The following KIRREL3 variants were observed in gnomAD, a reference collection of about 807,000 sequenced individuals.
KIRREL3 encodes kin of IRRE-like protein 3.
A neutral mutation model predicts 89.7 loss-of-function variants in KIRREL3; 36 were observed. The observed-to-expected ratio is 0.40, with a 90% CI of 0.31 to 0.53. The LOEUF is 0.53. Ranked by LOEUF, KIRREL3 falls within the 20% of genes least tolerant of loss-of-function variation. The pLI, the probability that KIRREL3 is intolerant of heterozygous loss-of-function variation, is 0.49. For synonymous variants in KIRREL3, 445 were observed against 441.4 expected (o/e 1.01, Z -0.10); for missense variants, 864 against 1,056.6 (o/e 0.82, Z 2.53).
At chr11:126,731,921 G>A (rs1001380860) in intron 1 of KIRREL3, among the ~76,000 whole-genome samples, 5 of 152,382 alleles carry the variant, frequency 3.3e-5, no homozygotes, top group African/African-American at 1.2e-4. Flanking sequence ...CTACTTTGAT[G>A]CAGGCAGCTC....
Position 126,682,149 on chromosome 11 carries a change from G to C in KIRREL3, c.56-119237C>G. ...TAGGACCTGGGTGAAGGAAGAGTGG[G>C]CATCACAGAGCTGCTGTGGAGTGTG... On this transcript the variant is annotated intron_variant, in intron 1 of 16. Transcript: ENST00000525144. The surrounding 1 kb of genome is among the most constrained non-coding windows in gnomAD (Gnocchi z 4.8). 1 of 329,416 alleles carries C rather than the reference G, an allele frequency of 3.0e-6. No homozygotes were observed. The highest frequency in any genetic ancestry group is 2.5e-5 in the South Asian group (1 of 39,326). The allele number at this position is 329,416 out of a possible 1,614,324, so 20.4% of individuals were successfully genotyped here.
chr11:126,736,197 A>G lies in KIRREL3; in HGVS notation c.56-173285T>C, dbSNP rs1948793315. ...GAACAGATGGTCTGGTTTACTTTCA[A>G]TTGTAGTCACAGCAATAATAGCACC... On this transcript the variant is annotated intron_variant, in intron 1 of 16. Transcript: ENST00000525144. This position sits in a 1 kb window ranked among gnomAD's most constrained non-coding sequence, Gnocchi z 5.0. Among the ~76,000 whole-genome samples, 1 of 152,210 alleles carries G rather than the reference A, an allele frequency of 6.6e-6. No homozygotes were observed. The highest frequency in any genetic ancestry group is 2.4e-5 in the African/African-American group (1 of 41,446).
In KIRREL3 at chr11:126,769,726, C is replaced by T. The variant is rs930206109; in HGVS notation, c.56-206814G>A. Among the ~76,000 whole-genome samples the T allele has an allele frequency of 6.6e-6, 1 of 152,172 alleles. No homozygotes were observed. Among genetic ancestry groups the T allele is most frequent in the African/African-American group, 2.4e-5 (1 of 41,428 alleles). Reference sequence around the variant, plus strand: ...TCCTTGGTGAGCTCACATCTTATAGCTTCCAGGGGCAAGGTGGAGGGTGCA... The same window carrying T: ...TCCTTGGTGAGCTCACATCTTATAGTTTCCAGGGGCAAGGTGGAGGGTGCA... On this transcript the variant is annotated intron_variant, in intron 1 of 16. Transcript: ENST00000525144. The surrounding 1 kb of genome is among the most constrained non-coding windows in gnomAD (Gnocchi z 4.3).
rs757988161 is a variant in KIRREL3, at chr11:126,978,671, G to A, written c.55+21784C>T. Among the ~76,000 whole-genome samples, 4 of 151,960 alleles carry A rather than the reference G, an allele frequency of 2.6e-5. No homozygotes were observed. Among genetic ancestry groups the A allele is most frequent in the East Asian group, 3.9e-4 (2 of 5,180 alleles). On this transcript the variant is annotated intron_variant, in intron 1 of 16. Transcript: ENST00000525144. This position sits in a 1 kb window ranked among gnomAD's most constrained non-coding sequence, Gnocchi z 4.2. ...TGCTACTCCCTCTTCTCCTCATCCC[G>A]CTCTCTGCCCATTTTCTTAGCTAAT... is the stretch of plus-strand genomic sequence containing the variant.
Position 126,563,615 on chromosome 11 carries a change from G to A in KIRREL3, c.56-703C>T, listed in dbSNP as rs1410531115. 2.0e-5 allele frequency among the ~76,000 whole-genome samples: 3 copies of A among 152,128 alleles called. No individual in the cohort carries two copies. The South Asian group carries it at 6.2e-4, about 32-fold the overall frequency. On this transcript the variant is annotated intron_variant, in intron 1 of 16. Transcript: ENST00000525144. The surrounding 1 kb of genome is among the most constrained non-coding windows in gnomAD (Gnocchi z 6.8). Reference sequence around the variant, plus strand: ...AGGGGTCGAGATAGCTGAGAGACACGGACTCCACAGGGCTTTGACCCAGTT... The same window carrying A: ...AGGGGTCGAGATAGCTGAGAGACACAGACTCCACAGGGCTTTGACCCAGTT...
rs564400502 is a variant in KIRREL3, at chr11:126,427,290, T to C, written c.1807-1566A>G. On this transcript the variant is annotated intron_variant, in intron 15 of 16. Coordinates refer to ENST00000525144, the MANE Select transcript of KIRREL3 (RefSeq NM_032531.4). This position sits in a 1 kb window ranked among gnomAD's most constrained non-coding sequence, Gnocchi z 5.3. ...GCCCTGTGTTAGGCCCCAGGGGAAATAGATGAGCGTAGACTCAGAAACATG... is the reference window on the plus strand; with the variant it reads ...GCCCTGTGTTAGGCCCCAGGGGAAACAGATGAGCGTAGACTCAGAAACATG... Among the ~76,000 whole-genome samples the C allele has an allele frequency of 1.3e-5, 2 of 152,174 alleles. No individual in the cohort carries two copies. Among genetic ancestry groups the C allele is most frequent in the East Asian group, 1.9e-4 (1 of 5,178 alleles).
intron 1 of KIRREL3, among the ~76,000 whole-genome samples, chr11:126,885,570 C>T (rs1027058002): frequency 6.6e-6 from 1 of 152,002 alleles, no homozygotes; most frequent in African/African-American, 2.4e-5. Context: ...ACCTCATCAT[C>T]GTTATCATCA....
Position 126,791,921 on chromosome 11 carries a change from C to T in KIRREL3, c.55+208534G>A, listed in dbSNP as rs187065901. Among the ~76,000 whole-genome samples the T allele has an allele frequency of 4.2e-5, 6 of 144,290 alleles. No homozygotes were observed. The highest frequency in any genetic ancestry group is 2.1e-4 in the South Asian group (1 of 4,820). The allele number at this position is 144,290 out of a possible 152,430, so 94.7% of individuals were successfully genotyped here. On this transcript the variant is annotated intron_variant, in intron 1 of 16. Transcript: ENST00000525144. This position sits in a 1 kb window ranked among gnomAD's most constrained non-coding sequence, Gnocchi z 4.8. ...CTGTGAAAACAGTTTAGAGGGAAGG[C>T]GGGGCTGCTTTCAAAGAAAAACAGG... is the stretch of plus-strand genomic sequence containing the variant.
rs1246392566 is a variant in KIRREL3, at chr11:126,639,036, T to A, written c.56-76124A>T. 6.6e-6 allele frequency among the ~76,000 whole-genome samples: 1 copy of A among 152,208 alleles called. No homozygotes were observed. The highest frequency in any genetic ancestry group is 1.5e-5 in the Non-Finnish European group (1 of 68,034). On this transcript the variant is annotated intron_variant, in intron 1 of 16. Coordinates refer to ENST00000525144, the MANE Select transcript of KIRREL3 (RefSeq NM_032531.4). The surrounding 1 kb of genome is among the most constrained non-coding windows in gnomAD (Gnocchi z 4.3). ...AGATTCACAAGTAATTTGAAAGGCA[T>A]CTCTATTTATCTCGCTGGTGTTTCT... is the stretch of plus-strand genomic sequence containing the variant.
At chr11:126,654,419 A>G (rs1945040637) in intron 1 of KIRREL3, among the ~76,000 whole-genome samples, 1 of 148,284 alleles carries the variant, frequency 6.7e-6, no homozygotes, top group Non-Finnish European at 1.5e-5. Context: ...CTTTTCTCCT[A>G]CCTCCAGGCA....
chr11:126,725,958 T>TA (rs1948363492), intron 1 of KIRREL3, among the ~76,000 whole-genome samples: 1 of 152,218 alleles, frequency 6.6e-6, no homozygotes, highest in East Asian at 1.9e-4. Flanking sequence ...AATCAAATTA[T>TA]AATAACCCAA....
At chr11:127,001,396 A>G (rs1159603124), upstream of KIRREL3, among the ~76,000 whole-genome samples, 1 of 151,856 alleles carries the variant, frequency 6.6e-6, no homozygotes, top group African/African-American at 2.4e-5. Context: ...AAATGCAGGA[A>G]CTAAAGGGAA....
rs559870277 is a variant in KIRREL3, at chr11:126,694,697, T to A, written c.56-131785A>T. Among the ~76,000 whole-genome samples the A allele has an allele frequency of 2.0e-4, 31 of 152,070 alleles. No individual in the cohort carries two copies. In the Middle Eastern group the frequency reaches 0.014, roughly 67 times the overall value. The stretch of plus-strand genomic sequence containing the variant: ...ACTGACTTCTATGAGCCACCTTTTT[T>A]AAAAAAAATTCTCTACAGAGAGGTG... On this transcript the variant is annotated intron_variant, in intron 1 of 16. Transcript: ENST00000525144. This position sits in a 1 kb window ranked among gnomAD's most constrained non-coding sequence, Gnocchi z 4.4.
chr11:126,648,211 T>C (rs1264803343), intron 1 of KIRREL3, among the ~76,000 whole-genome samples: 2 of 152,354 alleles, frequency 1.3e-5, no homozygotes, highest in African/African-American at 4.8e-5. Flanking sequence ...CCTCCCCAGC[T>C]GTGCCTGCCT....
At chr11:126,458,031 C>T (rs924884095) in intron 6 of KIRREL3, among the ~76,000 whole-genome samples, 21 of 151,968 alleles carry the variant, frequency 1.4e-4, no homozygotes, top group African/African-American at 4.3e-4. Flanking sequence ...TCGGCACCCC[C>T]GGGGCATCCA....
At chr11:126,633,785 C>G (rs4935979) in intron 1 of KIRREL3, among the ~76,000 whole-genome samples, 47,137 of 152,126 alleles carry the variant, frequency 0.31, 7,641 homozygotes, top group East Asian at 0.43. Flanking sequence ...TTTCCATCAT[C>G]CATCAGTGTA....
chr11:126,793,002 C>T (rs1201647102), intron 1 of KIRREL3, among the ~76,000 whole-genome samples: 1 of 152,180 alleles, frequency 6.6e-6, no homozygotes, highest in Non-Finnish European at 1.5e-5. Context: ...CCTTATTAAG[C>T]TTACATCTCT....
chr11:126,889,390 G>T (rs1055300071), intron 1 of KIRREL3, among the ~76,000 whole-genome samples: 1 of 152,116 alleles, frequency 6.6e-6, no homozygotes, highest in Non-Finnish European at 1.5e-5. Context: ...TCATTACTGC[G>T]TGATCAGTAG....
Position 126,703,442 on chromosome 11 carries a change from G to A in KIRREL3, c.56-140530C>T, listed in dbSNP as rs1321715140. On this transcript the variant is annotated intron_variant, in intron 1 of 16. Transcript: ENST00000525144. This position sits in a 1 kb window ranked among gnomAD's most constrained non-coding sequence, Gnocchi z 4.6. Reference sequence around the variant, plus strand: ...GATCAGCTGTTATGTGCCAGGCTCTGTGCTAAGTGCTTTACATTTTATCCT... The same window carrying A: ...GATCAGCTGTTATGTGCCAGGCTCTATGCTAAGTGCTTTACATTTTATCCT... 6.6e-6 allele frequency among the ~76,000 whole-genome samples: 1 copy of A among 152,228 alleles called. No homozygotes were observed. Among genetic ancestry groups the A allele is most frequent in the African/African-American group, 2.4e-5 (1 of 41,462 alleles).
Sources: allele counts gnomAD v4.1 joint callset (sites outside exome capture counted in the v4.1 genomes callset), GRCh38; gene constraint gnomAD v4.1.1; non-coding constraint Gnocchi (gnomAD v3.1); transcripts MANE v1.5; gene names NCBI Gene and HGNC (gene_info 2026-07-23, HGNC 2026-07-21).